The following TSNARE1 variants were observed in gnomAD, a reference collection of about 807,000 sequenced individuals.
TSNARE1 encodes the protein t-SNARE domain-containing protein 1.
In TSNARE1, 49 loss-of-function variants were observed where a neutral mutation model predicts 62.0. The observed-to-expected ratio is 0.79, with a 90% confidence interval of 0.63 to 1.00. The LOEUF is 1.00. TSNARE1 is among the 50% of genes least tolerant of loss of function. TSNARE1 has a pLI of 0.00. For synonymous variants in TSNARE1, 328 were observed against 294.4 expected, an observed-to-expected ratio of 1.11 and a Z score of -1.17; for missense variants, 755 against 700.1, an observed-to-expected ratio of 1.08 and a Z score of -0.88.
chr8:142,388,199 AAATTC>A (rs1345428061), intron 1 of TSNARE1, among the ~76,000 whole-genome samples: 3 of 152,180 alleles, frequency 2.0e-5, no homozygotes, highest in Non-Finnish European at 2.9e-5. Flanking sequence ...GCAACTGACA[AAATTC>A]AATAATGATT....
At position 142,367,646 on chromosome 8, in the gene TSNARE1, T is replaced by G. The variant is rs11997719; in HGVS notation, c.-39-12883A>C. ...ACACTGTAAGTAGACTAAAATTCACTTAATTATACACTTCAAAACGGTGAA... is the reference window on the plus strand; with the variant it reads ...ACACTGTAAGTAGACTAAAATTCACGTAATTATACACTTCAAAACGGTGAA... On this transcript the variant is annotated intron_variant, in intron 1 of 13. Coordinates refer to ENST00000524325, the MANE Select transcript of TSNARE1 (RefSeq NM_145003.5). Among the ~76,000 whole-genome samples the G allele has an allele frequency of 6.9e-3, 1,045 of 152,338 alleles. 11 individuals carry two copies. The highest frequency in any genetic ancestry group is 0.024 in the African/African-American group (984 of 41,582).
At chr8:142,240,289 C>T (rs1444139493) in intron 12 of TSNARE1, among the ~76,000 whole-genome samples, 1 of 152,136 alleles carries the variant, frequency 6.6e-6, no homozygotes, top group Non-Finnish European at 1.5e-5. Flanking sequence ...TTCACTTCAC[C>T]AAGATGATAC....
intron 4 of TSNARE1, among the ~76,000 whole-genome samples, chr8:142,332,147 G>A (rs542508136): frequency 8.5e-5 from 13 of 152,228 alleles, no homozygotes; most frequent in East Asian, 1.9e-4. Flanking sequence ...GCACCTGCAC[G>A]TGGAGGCTCA....
intron 11 of TSNARE1, among the ~76,000 whole-genome samples, chr8:142,279,253 G>C (rs1821000379): frequency 6.6e-6 from 1 of 152,244 alleles, no homozygotes; most frequent in Non-Finnish European, 1.5e-5. Flanking sequence ...ACTGCATCTG[G>C]AAGGGGAGGG....
chr8:142,247,278 C>T (rs34870209), intron 12 of TSNARE1, among the ~76,000 whole-genome samples: 79,233 of 152,056 alleles, frequency 0.52, 21,487 homozygotes, highest in African/African-American at 0.65. Flanking sequence ...CGCTACTGCC[C>T]GAGGCTCGGG....
At chr8:142,252,750 C>T (rs972816387) in intron 12 of TSNARE1, among the ~76,000 whole-genome samples, 2 of 152,294 alleles carry the variant, frequency 1.3e-5, no homozygotes, top group South Asian at 2.1e-4. Context: ...TTCTTGTGTG[C>T]AACAGTTTGG....
At chr8:142,282,529 A>AGTGTCTGCCAACGAGCAGAGGCGGG (rs1821730540) in intron 11 of TSNARE1, among the ~76,000 whole-genome samples, 4 of 151,396 alleles carry the variant, frequency 2.6e-5, no homozygotes, top group African/African-American at 9.7e-5. Flanking sequence ...AGGCGGGGTC[A>AGTGTCTGCCAACGAGCAGAGGCGGG]GTGTCTGCCA....
intron 6 of TSNARE1, among the ~76,000 whole-genome samples, chr8:142,324,747 C>A (rs1213645842): frequency 6.6e-6 from 1 of 152,182 alleles, no homozygotes; most frequent in Non-Finnish European, 1.5e-5. Flanking sequence ...TCCCTGGCAC[C>A]GGGTCCCGAG....
At chr8:142,265,365 G>A (rs1396371504) in intron 12 of TSNARE1, among the ~76,000 whole-genome samples, 2 of 152,258 alleles carry the variant, frequency 1.3e-5, no homozygotes, top group Middle Eastern at 3.4e-3. Flanking sequence ...TGGCCTTTTC[G>A]AGACTGGCTT....
At position 142,291,114 on chromosome 8, in the gene TSNARE1, C is replaced by A. The variant is rs1330768481; in HGVS notation, c.1291-6629G>T. On this transcript the variant is annotated intron_variant, in intron 10 of 13. Coordinates refer to ENST00000524325, the MANE Select transcript of TSNARE1 (RefSeq NM_145003.5). The surrounding 1 kb of genome is among the most constrained non-coding windows in gnomAD (Gnocchi z 4.8). ...GCCACCCGCTGCTCAGGACTGGTGT[C>A]CTCAGCTGGGGATTAAGTCACTGGC... 6.6e-6 allele frequency among the ~76,000 whole-genome samples: 1 copy of A among 152,062 alleles called. No homozygotes were observed. Among genetic ancestry groups the A allele is most frequent in the Non-Finnish European group, 1.5e-5 (1 of 68,024 alleles).
chr8:142,347,438 T>A (rs1833520602), intron 2 of TSNARE1, among the ~76,000 whole-genome samples: 1 of 152,048 alleles, frequency 6.6e-6, no homozygotes, highest in Admixed American at 6.5e-5. Context: ...GCAGGGCCTG[T>A]CCCTCCAGCT....
At chr8:142,242,677 C>T (rs567478859) in intron 12 of TSNARE1, among the ~76,000 whole-genome samples, 1 of 152,156 alleles carries the variant, frequency 6.6e-6, no homozygotes, top group African/African-American at 2.4e-5. Context: ...AAAAAGCTAA[C>T]AGGGCCGGGC....
At chr8:142,275,057 T>C in intron 11 of TSNARE1, 194 bp from the exon 12 acceptor site, 1 of 985,238 alleles carries the variant, frequency 1.0e-6, no homozygotes. Flanking sequence ...GCAATGACAT[T>C]AGAACGGAGG....
intron 1 of TSNARE1, among the ~76,000 whole-genome samples, chr8:142,391,337 C>T (rs1326055514): frequency 6.6e-6 from 1 of 150,460 alleles, no homozygotes; most frequent in East Asian, 2.0e-4. Flanking sequence ...AGACGCTGTA[C>T]ACTGCTGGGG....
chr8:142,373,146 A>C (rs752644619), intron 1 of TSNARE1, among the ~76,000 whole-genome samples: 5 of 152,168 alleles, frequency 3.3e-5, no homozygotes, highest in Non-Finnish European at 7.4e-5. Flanking sequence ...CATGAGAAGA[A>C]AGAGAGGAAG....
chr8:142,315,072 C>T lies in TSNARE1; in HGVS notation c.1005G>A (p.Glu335=). Residue 335 remains glutamate, a synonymous_variant, in exon 8 of 14, where the codon GAG becomes GAA. Coordinates refer to ENST00000524325, the MANE Select transcript of TSNARE1 (RefSeq NM_145003.5). The part of the protein sequence containing the change: ...SSCPQERLQQ[E]RPQLDRLKTQ... The stretch of plus-strand genomic sequence containing the variant: ...TTTTCAGCCGGTCCAGCTGAGGACG[C>T]TCCTGCTGCAGACGCTCCTGCTGCA... 6.2e-7 allele frequency: 1 copy of T among 1,613,970 alleles called. No homozygotes were observed. The highest frequency in any genetic ancestry group is 8.5e-7 in the Non-Finnish European group (1 of 1,179,930).
At chr8:142,229,647 C>T (rs1817009900) in intron 12 of TSNARE1, 68 bp from the exon 13 acceptor site, 8 of 1,460,640 alleles carry the variant, frequency 5.5e-6, no homozygotes, top group South Asian at 2.3e-5. Flanking sequence ...GGGCATTTGG[C>T]TTGTGCATAC....
chr8:142,309,146 C>T (rs183462147), intron 9 of TSNARE1, among the ~76,000 whole-genome samples: 7 of 152,288 alleles, frequency 4.6e-5, no homozygotes, highest in African/African-American at 1.4e-4. Flanking sequence ...CCTGTCCTGC[C>T]GCATTCACTG....
chr8:142,362,030 C>CA (rs1563986280), intron 1 of TSNARE1, among the ~76,000 whole-genome samples: 1 of 152,256 alleles, frequency 6.6e-6, no homozygotes, highest in Admixed American at 6.5e-5. Flanking sequence ...CGATGGCCTG[C>CA]AGCAGGAGGG....
Sources: gnomAD v4.1 joint callset for allele counts (sites outside exome capture counted in the v4.1 genomes callset) on GRCh38, gnomAD v4.1.1 for gene constraint, Gnocchi (gnomAD v3.1) non-coding constraint, MANE v1.5 for transcripts, NCBI Gene and HGNC (gene_info 2026-07-23, HGNC 2026-07-21) for gene names.